The following ZNF471 variants were observed in gnomAD, a reference collection of about 807,000 sequenced individuals.
ZNF471 encodes zinc finger protein 471.
In ZNF471, 7 loss-of-function variants were observed where a neutral mutation model predicts 13.7. The observed-to-expected ratio is 0.51, with a 90% confidence interval of 0.29 to 0.96. ZNF471 has a LOEUF of 0.96. ZNF471 is among the 40% of genes least tolerant of loss of function. The pLI is 0.08. For missense variants in ZNF471, 663 were observed against 743.3 expected, an observed-to-expected ratio of 0.89 and a Z score of 1.26; for synonymous variants, 218 against 235.6, an observed-to-expected ratio of 0.93 and a Z score of 0.68.
Position 56,529,133 on chromosome 19 carries a change from G to C in ZNF471, c.*3185G>C, listed in dbSNP as rs2044081382. 1 of 152,184 alleles carries C rather than the reference G, an allele frequency of 6.6e-6. No homozygotes were observed. Among genetic ancestry groups the C allele is most frequent in the South Asian group, 2.1e-4 (1 of 4,828 alleles). 9.4% of individuals were successfully genotyped at this position (152,184 alleles called of 1,614,324 possible). On this transcript the variant is annotated 3_prime_UTR_variant, in exon 5 of 5. Transcript: ENST00000308031. ...ATGAATGTTTCAATATTGTAATCCT[G>C]TAAGTTACTTTTACATTGACAGTTC...
intron 1 of ZNF471, chr19:56,509,754 T>TGTGTATA: frequency 5.8e-6 from 2 of 345,204 alleles, no homozygotes; most frequent in Non-Finnish European, 8.0e-6. Flanking sequence ...TGTGTGTGTG[T>TGTGTATA]AGATCCCCAC....
chr19:56,520,294 T>C (rs1453854519), intron 4 of ZNF471, among the ~76,000 whole-genome samples: 1 of 151,932 alleles, frequency 6.6e-6, no homozygotes, highest in Non-Finnish European at 1.5e-5. Flanking sequence ...GCATAAGATA[T>C]CTTAGTGTCT....
In ZNF471 at chr19:56,527,781, A is replaced by T. The variant is rs1024681302; in HGVS notation, c.*1833A>T. On this transcript the variant is annotated 3_prime_UTR_variant, in exon 5 of 5. Transcript: ENST00000308031. ...AAGAATGTGCAAATGTCCTCAGACA[A>T]GATGCACACCTTGCTCATTAGTGAG... 7.2e-5 allele frequency: 11 copies of T among 152,370 alleles called. No individual in the cohort carries two copies. The highest frequency in any genetic ancestry group is 2.6e-4 in the African/African-American group (11 of 41,588). The allele number at this position is 152,370 out of a possible 1,614,324, so 9.4% of individuals were successfully genotyped here.
At chr19:56,509,714 GGTGTGTGT>G (rs34707423) in intron 1 of ZNF471, 3,902 of 178,352 alleles carry the variant, frequency 0.022, 48 homozygotes, top group African/African-American at 0.04. Context: ...TTGCTTGCCT[GGTGTGTGT>G]GTGTGTGTGT....
intron 2 of ZNF471, 114 bp downstream of exon 2, chr19:56,511,718 C>T: frequency 1.2e-6 from 1 of 830,054 alleles, no homozygotes; most frequent in East Asian, 2.7e-5. Flanking sequence ...GCCTAGTTCC[C>T]ACTTCTCTCA....
chr19:56,526,073 G>T lies in ZNF471; in HGVS notation c.*125G>T. ...AGAAAAACCTTCAGCCAGGAGGCTGGCAAGATGGCCGAATAGGAACAGCTC... is the reference window on the plus strand; with the variant it reads ...AGAAAAACCTTCAGCCAGGAGGCTGTCAAGATGGCCGAATAGGAACAGCTC... On this transcript the variant is annotated 3_prime_UTR_variant, in exon 5 of 5. Coordinates refer to ENST00000308031, the MANE Select transcript of ZNF471 (RefSeq NM_020813.4). The T allele has an allele frequency of 2.0e-6, 2 of 1,017,052 alleles. No homozygotes were observed. Among genetic ancestry groups the T allele is most frequent in the Non-Finnish European group, 2.8e-6 (2 of 718,148 alleles). 63.0% of individuals were successfully genotyped at this position (1,017,052 alleles called of 1,614,324 possible). A position where few individuals can be genotyped will look rare whatever the true frequency, so the allele number is the denominator to read the frequency against.
At chr19:56,517,593 C>A (rs1357801240) in intron 3 of ZNF471, among the ~76,000 whole-genome samples, 1 of 152,172 alleles carries the variant, frequency 6.6e-6, no homozygotes, top group African/African-American at 2.4e-5. Flanking sequence ...GTGTGAGCTA[C>A]TGTGCCTGAC....
rs147951489 is a variant in ZNF471 at position 56,524,967 on chromosome 19, A to T, written c.900A>T (p.Arg300Ser). 2 of 1,614,148 alleles carry T rather than the reference A, an allele frequency of 1.2e-6. No individual in the cohort carries two copies. The highest frequency in any genetic ancestry group is 2.7e-5 in the African/African-American group (2 of 75,058). ...GTAAGGAATGCAGAAAAGCCTTCAG[A>T]CAGCCTGCACACCTTGCTCAGCATC... Reference protein sequence around the residue: ...YKCKECRKAFRQPAHLAQHQR... With the variant: ...YKCKECRKAFSQPAHLAQHQR... Residue 300 changes from arginine (R) to serine (S), a missense_variant, in exon 5 of 5, where the codon AGA (arginine) becomes AGT (serine). Transcript: ENST00000308031. This position sits in a 1 kb window ranked among gnomAD's most constrained non-coding sequence, Gnocchi z 4.8.
rs200412724 is a variant in ZNF471, at chr19:56,508,240, T to TGG, written c.-56+321_-56+322insGG. 36 of 915,244 alleles carry TGG rather than the reference T, an allele frequency of 3.9e-5. No individual in the cohort carries two copies. The East Asian group carries it at 4.8e-4, about 12-fold the overall frequency. The allele number at this position is 915,244 out of a possible 1,614,324, so 56.7% of individuals were successfully genotyped here. On this transcript the variant is annotated intron_variant, in intron 1 of 4. Transcript: ENST00000308031. The surrounding 1 kb of genome is among the most constrained non-coding windows in gnomAD (Gnocchi z 4.7). ...AGAGGGTGTGGTTTCTGTGTGTGTG[T>TGG]GTGTGTGTGTGTGACAGACCGAGAG...
chr19:56,509,611 T>C (rs1410136146), intron 1 of ZNF471, among the ~76,000 whole-genome samples: 4 of 152,032 alleles, frequency 2.6e-5, no homozygotes, highest in Admixed American at 2.0e-4. Flanking sequence ...TCCAGGTAGA[T>C]AGTGTCAGAA....
rs2044011327 is a variant in ZNF471, at chr19:56,524,114, C to G, written c.257-210C>G. On this transcript the variant is annotated intron_variant, in intron 4 of 4. Coordinates refer to ENST00000308031, the MANE Select transcript of ZNF471 (RefSeq NM_020813.4). This position sits in a 1 kb window ranked among gnomAD's most constrained non-coding sequence, Gnocchi z 4.8. The stretch of plus-strand genomic sequence containing the variant: ...GGATTATAGGCCTAAACCACTACAC[C>G]TAGCCCATTTCGCTTTCTTAGTCAC... 1.3e-5 allele frequency among the ~76,000 whole-genome samples: 2 copies of G among 152,334 alleles called. No homozygotes were observed. The highest frequency in any genetic ancestry group is 6.8e-3 in the Middle Eastern group (2 of 294).
chr19:56,508,021 C>T lies in ZNF471; in HGVS notation c.-56+101C>T. On this transcript the variant is annotated intron_variant, in intron 1 of 4. Transcript: ENST00000308031. This position sits in a 1 kb window ranked among gnomAD's most constrained non-coding sequence, Gnocchi z 4.7. ...GCGGGTCGCGAAGGCCCAGCCGCGTCCTCTGTCCCCAGGACGACTACATTT... is the reference window on the plus strand; with the variant it reads ...GCGGGTCGCGAAGGCCCAGCCGCGTTCTCTGTCCCCAGGACGACTACATTT... 1.0e-6 allele frequency: 1 copy of T among 985,796 alleles called. No individual in the cohort carries two copies. Among genetic ancestry groups the T allele is most frequent in the Non-Finnish European group, 1.2e-6 (1 of 830,200 alleles). 61.1% of individuals were successfully genotyped at this position (985,796 alleles called of 1,614,324 possible).
chr19:56,512,462 A>C (rs2043824993), intron 2 of ZNF471, among the ~76,000 whole-genome samples: 1 of 151,996 alleles, frequency 6.6e-6, no homozygotes, highest in Admixed American at 6.6e-5. Context: ...AATTTACATT[A>C]GATTTTTACA....
In ZNF471 at chr19:56,526,021, T is replaced by C. The variant is rs532887509; in HGVS notation, c.*73T>C. Reference sequence around the variant, plus strand: ...TGTTAATCAGAGATGTCCCACTGGATAAAAAACATATAAATGTAAGAAATG... The same window carrying C: ...TGTTAATCAGAGATGTCCCACTGGACAAAAAACATATAAATGTAAGAAATG... On this transcript the variant is annotated 3_prime_UTR_variant, in exon 5 of 5. Transcript: ENST00000308031. The C allele has an allele frequency of 9.6e-5, 135 of 1,408,884 alleles. No homozygotes were observed. The African/African-American group carries it at 1.7e-3, about 18-fold the overall frequency. 87.3% of individuals were successfully genotyped at this position (1,408,884 alleles called of 1,614,324 possible). A position where few individuals can be genotyped will look rare whatever the true frequency, so the allele number is the denominator to read the frequency against.
rs914365021 is a variant in ZNF471 at position 56,518,672 on chromosome 19, T to G, written c.256+95T>G. 3 of 1,025,756 alleles carry G rather than the reference T, an allele frequency of 2.9e-6. No homozygotes were observed. The African/African-American group carries it at 4.9e-5, about 17-fold the overall frequency. 63.5% of individuals were successfully genotyped at this position (1,025,756 alleles called of 1,614,324 possible). A position where few individuals can be genotyped will look rare whatever the true frequency, so the allele number is the denominator to read the frequency against. ...CTTCTCACTTATGCATCTCAGAAAC[T>G]CTTCATAAGCCTTACAGGCCTGGAG... On this transcript the variant is annotated intron_variant, in intron 4 of 4. Transcript: ENST00000308031.
Position 56,510,689 on chromosome 19 carries a change from T to C in ZNF471, c.-55-828T>C. 1 of 985,592 alleles carries C rather than the reference T, an allele frequency of 1.0e-6. No homozygotes were observed. Among genetic ancestry groups the C allele is most frequent in the African/African-American group, 1.7e-5 (1 of 57,376 alleles). The allele number at this position is 985,592 out of a possible 1,614,324, so 61.1% of individuals were successfully genotyped here. On this transcript the variant is annotated intron_variant, in intron 1 of 4. Coordinates refer to ENST00000308031, the MANE Select transcript of ZNF471 (RefSeq NM_020813.4). The surrounding 1 kb of genome is among the most constrained non-coding windows in gnomAD (Gnocchi z 4.3). Reference sequence around the variant, plus strand: ...CCCTGTATACCCATAATTGTGGCCCTGTATGACTGCTGTGTATGGAGAGAC... The same window carrying C: ...CCCTGTATACCCATAATTGTGGCCCCGTATGACTGCTGTGTATGGAGAGAC...
chr19:56,525,043 G>A lies in ZNF471; in HGVS notation c.976G>A (p.Ala326Thr), dbSNP rs960505204. Residue 326 changes from alanine to threonine, a missense_variant, in exon 5 of 5, where the codon GCC becomes ACC. Coordinates refer to ENST00000308031, the MANE Select transcript of ZNF471 (RefSeq NM_020813.4). Reference sequence around the variant, plus strand: ...CTATGAATGTAAAGAATGTGGCAAAGCCTTCAGTGATGGCTCGTCTTTTGC... The same window carrying A: ...CTATGAATGTAAAGAATGTGGCAAAACCTTCAGTGATGGCTCGTCTTTTGC... ...KPYECKECGK[A>T]FSDGSSFARH... 6 of 1,613,954 alleles carry A rather than the reference G, an allele frequency of 3.7e-6. No individual in the cohort carries two copies. Among genetic ancestry groups the A allele is most frequent in the South Asian group, 3.3e-5 (3 of 91,044 alleles).
rs1235977529 is a variant in ZNF471 at position 56,508,790 on chromosome 19, C to T, written c.-56+870C>T. Among the ~76,000 whole-genome samples the T allele has an allele frequency of 1.3e-5, 2 of 148,862 alleles. No individual in the cohort carries two copies. The highest frequency in any genetic ancestry group is 3.0e-5 in the Non-Finnish European group (2 of 67,238). ...CCAGAGTGTGAGACCAGGGTGTGTT[C>T]GTGTGTGAGAGACAACATAGCGTGA... On this transcript the variant is annotated intron_variant, in intron 1 of 4. Transcript: ENST00000308031. The surrounding 1 kb of genome is among the most constrained non-coding windows in gnomAD (Gnocchi z 4.7).
At position 56,525,551 on chromosome 19, in the gene ZNF471, C is replaced by T. The variant is rs1568477035; in HGVS notation, c.1484C>T (p.Ala495Val). The change falls in exon 5 of 5, where the codon GCT becomes GTT. Residue 495 changes from alanine (A) to valine (V), a missense_variant. By Grantham distance (64) the Ala-to-Val change is moderately conservative (BLOSUM62 0). Coordinates refer to ENST00000308031, the MANE Select transcript of ZNF471 (RefSeq NM_020813.4). ...KPYECKECGK[A>V]FRISSQLATH... ...TATGAATGTAAAGAATGTGGAAAAG[C>T]TTTTAGAATCAGTTCACAGCTGGCT... 1 of 1,614,006 alleles carries T rather than the reference C, an allele frequency of 6.2e-7. No homozygotes were observed. Among genetic ancestry groups the T allele is most frequent in the East Asian group, 2.2e-5 (1 of 44,852 alleles).
Sources: gnomAD v4.1 joint callset for allele counts (sites outside exome capture counted in the v4.1 genomes callset) on GRCh38, gnomAD v4.1.1 for gene constraint, Gnocchi (gnomAD v3.1) non-coding constraint, MANE v1.5 for transcripts, NCBI Gene and HGNC (gene_info 2026-07-23, HGNC 2026-07-21) for gene names.